Variants in SMAP1 observed in about 807,000 individuals in gnomAD.
SMAP1 encodes the protein small ArfGAP 1, also known as stromal membrane-associated protein 1.
In SMAP1, 24 loss-of-function variants were observed where a neutral mutation model predicts 58.5. That is an observed-to-expected ratio of 0.41 (90% CI 0.30 to 0.58). SMAP1 has a LOEUF of 0.58. Ranked by LOEUF, SMAP1 falls within the 20% of genes least tolerant of loss-of-function variation. SMAP1 has a pLI of 0.29. For synonymous variants in SMAP1, 216 were observed against 196.6 expected, an observed-to-expected ratio of 1.10 and a Z score of -0.82; for missense variants, 563 against 566.3, an observed-to-expected ratio of 0.99 and a Z score of 0.06.
intron 1 of SMAP1, among the ~76,000 whole-genome samples, chr6:70,681,137 G>A (rs1766694152): frequency 6.6e-6 from 1 of 151,944 alleles, no homozygotes; most frequent in Non-Finnish European, 1.5e-5. Context: ...ACAATGCATA[G>A]GCTAGGAATG....
chr6:70,740,739 A>T (rs552178508), intron 2 of SMAP1, among the ~76,000 whole-genome samples: 1 of 152,258 alleles, frequency 6.6e-6, no homozygotes, highest in African/African-American at 2.4e-5. Flanking sequence ...CTTAATTGTT[A>T]TTGGACTGTG....
chr6:70,857,103 A>G, intron 9 of SMAP1, 73 bp downstream of exon 9: 1 of 1,382,614 alleles, frequency 7.2e-7, no homozygotes, highest in Non-Finnish European at 9.7e-7. Flanking sequence ...AATAAGATCA[A>G]TTATATATCT....
chr6:70,761,623 G>T (rs1766749760), intron 3 of SMAP1, among the ~76,000 whole-genome samples: 2 of 151,994 alleles, frequency 1.3e-5, no homozygotes. Context: ...GTTTCCTCTT[G>T]CTACCATGGA....
intron 3 of SMAP1, among the ~76,000 whole-genome samples, chr6:70,766,215 T>C (rs1179181978): frequency 6.6e-6 from 1 of 152,178 alleles, no homozygotes; most frequent in East Asian, 1.9e-4. Context: ...TACATGTGCA[T>C]CTGTCTTTAT....
intron 1 of SMAP1, among the ~76,000 whole-genome samples, chr6:70,694,785 G>A (rs1213960383): frequency 1.3e-5 from 2 of 152,184 alleles, no homozygotes; most frequent in Non-Finnish European, 2.9e-5. Flanking sequence ...GGGTTTGGGG[G>A]TAAAGGTACC....
chr6:70,751,422 T>C (rs1324012297), intron 2 of SMAP1, among the ~76,000 whole-genome samples: 1 of 152,202 alleles, frequency 6.6e-6, no homozygotes, highest in Non-Finnish European at 1.5e-5. Context: ...CCTCACTTGC[T>C]TGACTTGTTT....
chr6:70,798,796 A>G (rs1768722044), intron 6 of SMAP1, 59 bp downstream of exon 6: 6 of 1,271,566 alleles, frequency 4.7e-6, no homozygotes, highest in African/African-American at 1.5e-5. Flanking sequence ...GTATACTTAT[A>G]TATTAATGAC....
chr6:70,823,841 G>A (rs534763714), intron 6 of SMAP1, among the ~76,000 whole-genome samples: 8 of 149,438 alleles, frequency 5.4e-5, no homozygotes, highest in East Asian at 1.9e-4. Flanking sequence ...AGAGCCAACC[G>A]TAGTTATTTT....
chr6:70,727,293 G>C (rs550025303), intron 1 of SMAP1, among the ~76,000 whole-genome samples: 1 of 152,246 alleles, frequency 6.6e-6, no homozygotes, highest in African/African-American at 2.4e-5. Flanking sequence ...GTTTTTAGTA[G>C]AGATGGAGTT....
chr6:70,827,400 A>G (rs1770180637), intron 6 of SMAP1, among the ~76,000 whole-genome samples: 1 of 152,162 alleles, frequency 6.6e-6, no homozygotes, highest in Non-Finnish European at 1.5e-5. Context: ...ATGTCATTGA[A>G]TTTTAGATGA....
At chr6:70,681,112 T>TA (rs1766691908) in intron 1 of SMAP1, among the ~76,000 whole-genome samples, 2 of 113,164 alleles carry the variant, frequency 1.8e-5, no homozygotes, top group East Asian at 2.1e-4. Context: ...GGGAGTTTAT[T>TA]TAAAAAAAAA....
intron 3 of SMAP1, among the ~76,000 whole-genome samples, chr6:70,757,544 C>G (rs1766548464): frequency 6.6e-6 from 1 of 151,576 alleles, no homozygotes; most frequent in Non-Finnish European, 1.5e-5. Flanking sequence ...TAAAGAGCTT[C>G]TGCACAGCAA....
intron 6 of SMAP1, among the ~76,000 whole-genome samples, chr6:70,800,040 C>A (rs1029380455): frequency 6.6e-6 from 1 of 151,946 alleles, no homozygotes; most frequent in Non-Finnish European, 1.5e-5. Flanking sequence ...TTTTTGCCTT[C>A]TTTTTTTCAC....
At chr6:70,784,196 C>G (rs1767897730) in intron 4 of SMAP1, among the ~76,000 whole-genome samples, 1 of 152,134 alleles carries the variant, frequency 6.6e-6, no homozygotes, top group African/African-American at 2.4e-5. Context: ...CATATCCAGC[C>G]AAACTAAGCT....
chr6:70,816,605 G>A (rs1405390770), intron 6 of SMAP1, among the ~76,000 whole-genome samples: 1 of 152,174 alleles, frequency 6.6e-6, no homozygotes, highest in Non-Finnish European at 1.5e-5. Flanking sequence ...TTTATTCACT[G>A]AGTGAGTTTT....
Position 70,831,510 on chromosome 6 carries a change from C to T in SMAP1, c.577-5431C>T, listed in dbSNP as rs190895049. Among the ~76,000 whole-genome samples, 5 of 152,240 alleles carry T rather than the reference C, an allele frequency of 3.3e-5. No homozygotes were observed. The East Asian group carries it at 5.8e-4, about 18-fold the overall frequency. Reference sequence around the variant, plus strand: ...TTTAGCTCCCACCTATAAGTGAGAGCGTGCAGTATTTAATTTTCTGTTTTT... The same window carrying T: ...TTTAGCTCCCACCTATAAGTGAGAGTGTGCAGTATTTAATTTTCTGTTTTT... On this transcript the variant is annotated intron_variant, in intron 6 of 10. Transcript: ENST00000370455.
intron 6 of SMAP1, among the ~76,000 whole-genome samples, chr6:70,814,268 C>T (rs1188828733): frequency 6.6e-6 from 1 of 152,146 alleles, no homozygotes; most frequent in Non-Finnish European, 1.5e-5. Context: ...GAGACTCTCT[C>T]TTTTGATAGC....
intron 10 of SMAP1, chr6:70,859,991 A>ATCT (rs1554211379): frequency 8.6e-6 from 4 of 462,512 alleles, no homozygotes; most frequent in East Asian, 3.8e-5. Context: ...GTTGTGGTTA[A>ATCT]TCTTTGGGGA....
chr6:70,805,481 G>A (rs1224023795), intron 6 of SMAP1, among the ~76,000 whole-genome samples: 1 of 152,052 alleles, frequency 6.6e-6, no homozygotes, highest in Non-Finnish European at 1.5e-5. Flanking sequence ...TGTGATTACC[G>A]ACTTTTTGAA....
Sources: allele counts gnomAD v4.1 joint callset (sites outside exome capture counted in the v4.1 genomes callset), GRCh38; gene constraint gnomAD v4.1.1; transcripts MANE v1.5; gene names NCBI Gene and HGNC (gene_info 2026-07-23, HGNC 2026-07-21).